The following CDC42 variants were observed in gnomAD, a reference collection of about 807,000 sequenced individuals.
The protein encoded by CDC42 is cell division cycle 42.
Under a neutral mutation model 20.8 loss-of-function variants are expected in CDC42, and 1 was observed. That is an observed-to-expected ratio of 0.05 (90% CI 0.02 to 0.23). CDC42 has a LOEUF of 0.23. Among genes scored for constraint, CDC42 ranks in the 10% least tolerant of loss-of-function variants. The pLI is 1.00. For synonymous variants in CDC42, 72 were observed against 84.8 expected (o/e 0.85, Z 0.83); for missense variants, 49 against 227.9 (o/e 0.21, Z 5.05).
intron 3 of CDC42, among the ~76,000 whole-genome samples, chr1:22,083,085 T>TG (rs1304381166): frequency 6.6e-6 from 1 of 151,882 alleles, no homozygotes; most frequent in Non-Finnish European, 1.5e-5. Context: ...TTCTCCATGT[T>TG]GGTCAGGCTG....
At chr1:22,088,101 C>T (rs1570041510) in intron 5 of CDC42, among the ~76,000 whole-genome samples, 1 of 152,274 alleles carries the variant, frequency 6.6e-6, no homozygotes, top group South Asian at 2.1e-4. Context: ...CCTTCTCATG[C>T]ATAGCAACTG....
At chr1:22,068,469 T>C (rs976838638) in intron 1 of CDC42, 1 of 152,736 alleles carries the variant, frequency 6.5e-6, no homozygotes, top group African/African-American at 2.4e-5. Context: ...AGGTCTCATA[T>C]TCTAGCCATT....
At chr1:22,072,549 A>G (rs764968511) in intron 1 of CDC42, among the ~76,000 whole-genome samples, 1 of 152,002 alleles carries the variant, frequency 6.6e-6, no homozygotes, top group Admixed American at 6.6e-5. Context: ...AAGCTCTCCA[A>G]ATCTTCTGTT....
intron 3 of CDC42, among the ~76,000 whole-genome samples, chr1:22,082,633 T>C (rs936839128): frequency 6.6e-6 from 1 of 152,230 alleles, no homozygotes; most frequent in Non-Finnish European, 1.5e-5. Context: ...TGTTACTGTT[T>C]GCAAGTTAAC....
At chr1:22,064,784 C>G (rs1030980316) in intron 1 of CDC42, among the ~76,000 whole-genome samples, 21 of 151,294 alleles carry the variant, frequency 1.4e-4, no homozygotes, top group African/African-American at 4.6e-4. Flanking sequence ...TCAAGCAATT[C>G]TCTGGCTTCA....
rs1194304835 is a variant in CDC42 at position 22,100,747 on chromosome 1, C to T, written c.*9230C>T. 6.6e-6 allele frequency: 1 copy of T among 152,148 alleles called. No individual in the cohort carries two copies. Among genetic ancestry groups the T allele is most frequent in the African/African-American group, 2.4e-5 (1 of 41,430 alleles). The allele number at this position is 152,148 out of a possible 1,614,324, so 9.4% of individuals were successfully genotyped here. Reference sequence around the variant, plus strand: ...AGGGGCTTCCTCCTCATACTCATTGCCAGGAGTAGAGTAAGGCTTTTAATT... The same window carrying T: ...AGGGGCTTCCTCCTCATACTCATTGTCAGGAGTAGAGTAAGGCTTTTAATT... On this transcript the variant is annotated 3_prime_UTR_variant, in exon 6 of 6. Coordinates refer to ENST00000656825, the MANE Select transcript of CDC42 (RefSeq NM_001791.4).
At chr1:22,061,087 AT>A (rs1645357412) in intron 1 of CDC42, among the ~76,000 whole-genome samples, 1 of 152,224 alleles carries the variant, frequency 6.6e-6, no homozygotes, top group Admixed American at 6.5e-5. Flanking sequence ...TCTGAAAGAC[AT>A]TTCCATGGGC....
chr1:22,060,242 G>A (rs748299617), intron 1 of CDC42, among the ~76,000 whole-genome samples: 2 of 152,050 alleles, frequency 1.3e-5, no homozygotes, highest in Non-Finnish European at 2.9e-5. Flanking sequence ...AGAGGCTGAG[G>A]CACGAGAATC....
At chr1:22,088,677 G>T (rs1487584142) in intron 5 of CDC42, among the ~76,000 whole-genome samples, 2 of 152,122 alleles carry the variant, frequency 1.3e-5, no homozygotes, top group African/African-American at 2.4e-5. Context: ...AGCAAGAAAG[G>T]AATTCCTTCT....
At chr1:22,058,733 A>G (rs1415748981) in intron 1 of CDC42, among the ~76,000 whole-genome samples, 1 of 152,174 alleles carries the variant, frequency 6.6e-6, no homozygotes, top group Non-Finnish European at 1.5e-5. Context: ...TCCCGACCTC[A>G]GGTGATCCAC....
At chr1:22,061,140 C>T (rs1382825554) in intron 1 of CDC42, among the ~76,000 whole-genome samples, 1 of 152,212 alleles carries the variant, frequency 6.6e-6, no homozygotes, top group Non-Finnish European at 1.5e-5. Context: ...GGCAGAGTGG[C>T]TCACGCCTGT....
chr1:22,079,064 G>C (rs749314876), intron 2 of CDC42, among the ~76,000 whole-genome samples: 30 of 151,880 alleles, frequency 2.0e-4, no homozygotes, highest in Non-Finnish European at 3.1e-4. Context: ...GCAGAGAAGA[G>C]AAGACCTGTT....
chr1:22,061,464 T>C (rs1242869401), intron 1 of CDC42, among the ~76,000 whole-genome samples: 2 of 148,802 alleles, frequency 1.3e-5, no homozygotes, highest in Non-Finnish European at 3.0e-5. Context: ...GAAATCATAA[T>C]GTATATAAGT....
At position 22,101,038 on chromosome 1, in the gene CDC42, G is replaced by A. The variant is rs1055710849; in HGVS notation, c.*9521G>A. The A allele has an allele frequency of 9.2e-5, 14 of 152,248 alleles. No homozygotes were observed. Among genetic ancestry groups the A allele is most frequent in the Admixed American group, 8.5e-4 (13 of 15,286 alleles). 9.4% of individuals were successfully genotyped at this position (152,248 alleles called of 1,614,324 possible). A position where few individuals can be genotyped will look rare whatever the true frequency, so the allele number is the denominator to read the frequency against. On this transcript the variant is annotated 3_prime_UTR_variant, in exon 6 of 6. Coordinates refer to ENST00000656825, the MANE Select transcript of CDC42 (RefSeq NM_001791.4). ...GCTTGTGAAGGGTGGGCAGGCACCT[G>A]TGAATTCTTCACTGGCTTCTTGTAA...
At chr1:22,075,840 C>G (rs1557900861) in intron 1 of CDC42, among the ~76,000 whole-genome samples, 1 of 152,142 alleles carries the variant, frequency 6.6e-6, no homozygotes, top group Non-Finnish European at 1.5e-5. Flanking sequence ...TAACAGGGGA[C>G]TCACAACCAA....
chr1:22,056,729 C>T (rs2143104), intron 1 of CDC42, among the ~76,000 whole-genome samples: 142,411 of 152,322 alleles, frequency 0.93, 66,622 homozygotes, highest in East Asian at 1. Flanking sequence ...AGGCTTTCTG[C>T]CACCAATGTG....
At chr1:22,081,890 G>GT in intron 3 of CDC42, 96 bp downstream of exon 3, 3 of 768,942 alleles carry the variant, frequency 3.9e-6, no homozygotes, top group Admixed American at 4.5e-5. Flanking sequence ...CATGAGCAAA[G>GT]TACTTGCCTT....
At position 22,100,406 on chromosome 1, in the gene CDC42, G is replaced by A. The variant is rs546607198; in HGVS notation, c.*8889G>A. ...CAACTTGGCATTGTTGGTGTTGTGC[G>A]AAGTACATGCATAGGCTTTGGATTT... On this transcript the variant is annotated 3_prime_UTR_variant, in exon 6 of 6. Transcript: ENST00000656825. 2.6e-5 allele frequency among the ~76,000 whole-genome samples: 4 copies of A among 152,298 alleles called. No homozygotes were observed. The highest frequency in any genetic ancestry group is 7.2e-5 in the African/African-American group (3 of 41,560).
chr1:22,062,091 A>G lies in CDC42; in HGVS notation c.-51+9349A>G, dbSNP rs544164509. On this transcript the variant is annotated intron_variant, in intron 1 of 5. Transcript: ENST00000656825. Reference sequence around the variant, plus strand: ...GCTGGGACTACAGGCATGTGCCACCATACCCAGCTAATTTTTGTATTTTTA... The same window carrying G: ...GCTGGGACTACAGGCATGTGCCACCGTACCCAGCTAATTTTTGTATTTTTA... Among the ~76,000 whole-genome samples the G allele has an allele frequency of 3.3e-5, 5 of 151,476 alleles. No individual in the cohort carries two copies. The East Asian group carries it at 7.9e-4, about 24-fold the overall frequency.
Sources: allele counts gnomAD v4.1 joint callset (sites outside exome capture counted in the v4.1 genomes callset), GRCh38; gene constraint gnomAD v4.1.1; transcripts MANE v1.5; gene names NCBI Gene and HGNC (gene_info 2026-07-23, HGNC 2026-07-21).